The following ZNF880 variants were observed in gnomAD, a reference collection of about 807,000 sequenced individuals.
The protein encoded by ZNF880 is zinc finger protein LOC400713.
Under a neutral mutation model 11.8 loss-of-function variants are expected in ZNF880, and 12 were observed. The ratio of observed to expected loss-of-function variants is 1.02; its 90% confidence interval spans 0.65 to 1.65. The LOEUF (loss-of-function observed/expected upper bound fraction) is 1.65, where lower values mean the gene tolerates loss of function less well. ZNF880 is among the 40% of genes most tolerant of loss of function. The pLI is 0.00. For missense variants in ZNF880, 601 were observed against 673.9 expected (o/e 0.89, Z 1.20); for synonymous variants, 210 against 232.4 (o/e 0.90, Z 0.88).
chr19:52,383,766 TGAGGCA>T, intron 3 of ZNF880, 77 bp from the exon 4 acceptor site: 1 of 1,373,830 alleles, frequency 7.3e-7, no homozygotes, highest in Non-Finnish European at 9.8e-7. Context: ...CTGAGTCAGG[TGAGGCA>T]GAATCTAGTC....
upstream of ZNF880, chr19:52,367,048 C>A (rs948835586): frequency 5.4e-6 from 2 of 369,244 alleles, no homozygotes; most frequent in Non-Finnish European, 9.6e-6. Context: ...CTGCTGGCAC[C>A]GTAATTTGTA....
At chr19:52,379,874 T>A (rs988296939) in intron 3 of ZNF880, 2 of 151,088 alleles carry the variant, frequency 1.3e-5, no homozygotes, top group East Asian at 1.9e-4. Context: ...TTTGGATTAT[T>A]TGAGAAAATG....
intron 1 of ZNF880, 34 bp from the exon 2 acceptor site, chr19:52,373,077 A>C (rs1986435996): frequency 6.2e-7 from 1 of 1,609,500 alleles, no homozygotes; most frequent in Admixed American, 1.7e-5. Flanking sequence ...ATTTTGTGTG[A>C]TATCCTGTTG....
At chr19:52,394,982 G>A in the ZNF880 span, 1 of 152,182 alleles carries the variant, frequency 6.6e-6, no homozygotes, top group African/African-American at 2.4e-5. Context: ...TATAATTCAG[G>A]ATGTCTATCT....
the ZNF880 span, chr19:52,397,489 T>C: frequency 6.6e-6 from 1 of 151,862 alleles, no homozygotes; most frequent in Non-Finnish European, 1.5e-5. Flanking sequence ...TTATTTTCGG[T>C]TTTTTTCTCT....
At chr19:52,387,381 T>TG (rs1157715548), downstream of ZNF880, among the ~76,000 whole-genome samples, 2 of 144,214 alleles carry the variant, frequency 1.4e-5, no homozygotes, top group Non-Finnish European at 3.0e-5. Flanking sequence ...ACGTGCCTAT[T>TG]GTGTGCCAAG....
At chr19:52,391,448 T>G in the ZNF880 span, 2 of 142,932 alleles carry the variant, frequency 1.4e-5, no homozygotes, top group African/African-American at 2.6e-5. Context: ...AGAGAAGGAA[T>G]AGAGGGAAGA....
upstream of ZNF880, chr19:52,367,473 G>A (rs162118): frequency 0.82 from 124,603 of 152,174 alleles, 51,277 homozygotes; most frequent in African/African-American, 0.88. Flanking sequence ...TTCTACCAGC[G>A]TTGTTTAATC....
rs1321932277 is a variant in ZNF880, at chr19:52,385,544, C to T, written c.*230C>T. 5 of 542,662 alleles carry T rather than the reference C, an allele frequency of 9.2e-6. No homozygotes were observed. Among genetic ancestry groups the T allele is most frequent in the Non-Finnish European group, 1.6e-5 (5 of 307,466 alleles). 33.6% of individuals were successfully genotyped at this position (542,662 alleles called of 1,614,324 possible). A position where few individuals can be genotyped will look rare whatever the true frequency, so the allele number is the denominator to read the frequency against. On this transcript the variant is annotated 3_prime_UTR_variant, in exon 4 of 4. Coordinates refer to ENST00000422689, the MANE Select transcript of ZNF880 (RefSeq NM_001145434.2). ...ATCAAAACATACATCTTGGATGAAA[C>T]CATACAGATGGATTATGTATGCTGA...
the ZNF880 span, chr19:52,392,848 G>C: frequency 5.8e-6 from 1 of 171,098 alleles, no homozygotes; most frequent in Non-Finnish European, 1.4e-5. Context: ...TTGAGAGACA[G>C]GGTCTTGCTC....
chr19:52,379,740 G>A (rs7248503), intron 3 of ZNF880: 24,344 of 178,628 alleles, frequency 0.14, 1,872 homozygotes, highest in Middle Eastern at 0.21. Context: ...CACTGTACCC[G>A]GCTCTGATAT....
intron 3 of ZNF880, among the ~76,000 whole-genome samples, chr19:52,375,522 G>A (rs936889787): frequency 8.6e-5 from 13 of 151,936 alleles, no homozygotes; most frequent in African/African-American, 3.1e-4. Flanking sequence ...ATTTCAATAG[G>A]GTTTTGGGGA....
intron 2 of ZNF880, among the ~76,000 whole-genome samples, chr19:52,373,905 G>A (rs1644586554): frequency 1.3e-5 from 2 of 151,370 alleles, no homozygotes; most frequent in Middle Eastern, 3.4e-3. Flanking sequence ...TCCTGACCTC[G>A]TGATCCGCCC....
At chr19:52,395,051 GT>G in the ZNF880 span, among the ~76,000 whole-genome samples, 2 of 152,104 alleles carry the variant, frequency 1.3e-5, no homozygotes, top group Non-Finnish European at 2.9e-5. Flanking sequence ...AGTAACACAG[GT>G]CATAGGGATG....
At chr19:52,388,759 A>G (rs995671599), downstream of ZNF880, 2 of 152,176 alleles carry the variant, frequency 1.3e-5, no homozygotes, top group Non-Finnish European at 2.9e-5. Flanking sequence ...AAATTGGAGA[A>G]CAGGGATAGG....
At chr19:52,391,405 T>A in the ZNF880 span, 1 of 144,740 alleles carries the variant, frequency 6.9e-6, no homozygotes, top group Admixed American at 6.9e-5. Flanking sequence ...GAATAAGAGG[T>A]GAAAGAAGTG....
chr19:52,386,570 G>A (rs1317774009), downstream of ZNF880, among the ~76,000 whole-genome samples: 1 of 143,432 alleles, frequency 7.0e-6, no homozygotes, highest in Non-Finnish European at 1.5e-5. Flanking sequence ...TGGGAGGCAA[G>A]GTGGGTGGAT....
chr19:52,369,916 C>G, upstream of ZNF880: 1 of 1,551,452 alleles, frequency 6.4e-7, no homozygotes, highest in Non-Finnish European at 8.7e-7. Flanking sequence ...CTCTCAGCTG[C>G]GCGCGCAGTT....
chr19:52,393,332 C>G, the ZNF880 span, among the ~76,000 whole-genome samples: 422 of 152,098 alleles, frequency 2.8e-3, 1 homozygote, highest in Admixed American at 4.8e-3. Context: ...CTCAGCCTCC[C>G]AAAGGGCTGG....
Sources: gnomAD v4.1 joint callset for allele counts (sites outside exome capture counted in the v4.1 genomes callset) on GRCh38, gnomAD v4.1.1 for gene constraint, MANE v1.5 for transcripts, NCBI Gene and HGNC (gene_info 2026-07-23, HGNC 2026-07-21) for gene names.